DPYSL5: variants seen among roughly 807,000 people sequenced by gnomAD.
The protein encoded by DPYSL5 is dihydropyrimidinase like 5.
In DPYSL5, 9 loss-of-function variants were observed where a neutral mutation model predicts 58.4. That is an observed-to-expected ratio of 0.15 (90% CI 0.09 to 0.27). DPYSL5 has a LOEUF of 0.27. DPYSL5 is among the 10% of genes least tolerant of loss of function. The pLI is 1.00. For synonymous variants in DPYSL5, 293 were observed against 301.9 expected, an observed-to-expected ratio of 0.97 and a Z score of 0.31; for missense variants, 499 against 770.6, an observed-to-expected ratio of 0.65 and a Z score of 4.17.
intron 1 of DPYSL5, among the ~76,000 whole-genome samples, chr2:26,881,718 G>A (rs1172006570): frequency 6.6e-6 from 1 of 152,134 alleles, no homozygotes; most frequent in Non-Finnish European, 1.5e-5. Flanking sequence ...AGTATCTGGT[G>A]CCTCTTTGAA....
At chr2:26,908,284 T>G (rs974398724) in intron 2 of DPYSL5, among the ~76,000 whole-genome samples, 1 of 152,208 alleles carries the variant, frequency 6.6e-6, no homozygotes, top group Non-Finnish European at 1.5e-5. Flanking sequence ...AATTTCTGTG[T>G]GTGTTTTAGA....
At chr2:26,919,628 T>C (rs1056475214) in intron 2 of DPYSL5, among the ~76,000 whole-genome samples, 4 of 152,196 alleles carry the variant, frequency 2.6e-5, no homozygotes, top group African/African-American at 9.7e-5. Flanking sequence ...TTTTAAACAT[T>C]TATATTTTTA....
intron 1 of DPYSL5, among the ~76,000 whole-genome samples, chr2:26,872,161 ACTGGG>A (rs1040501362): frequency 8.5e-5 from 13 of 152,196 alleles, no homozygotes; most frequent in African/African-American, 3.1e-4. Flanking sequence ...ACTTTGGAGC[ACTGGG>A]CTGAGGAGAG....
chr2:26,937,583 A>G (rs1665211572), intron 8 of DPYSL5, among the ~76,000 whole-genome samples: 1 of 152,062 alleles, frequency 6.6e-6, no homozygotes, highest in Non-Finnish European at 1.5e-5. Context: ...CCCTGCAGGA[A>G]TAAAAAAGTA....
chr2:26,886,094 T>A (rs1304381162), intron 1 of DPYSL5, among the ~76,000 whole-genome samples: 1 of 152,174 alleles, frequency 6.6e-6, no homozygotes, highest in Non-Finnish European at 1.5e-5. Context: ...CGCTCCCTCA[T>A]TAGCTAGACT....
At position 26,942,799 on chromosome 2, in the gene DPYSL5, G is replaced by A. The variant is rs762228114; in HGVS notation, c.1440+49G>A. 8.2e-6 allele frequency: 13 copies of A among 1,587,930 alleles called. No individual in the cohort carries two copies. The highest frequency in any genetic ancestry group is 1.3e-5 in the African/African-American group (1 of 74,332). On this transcript the variant is annotated intron_variant, in intron 11 of 12. Transcript: ENST00000288699. The surrounding 1 kb of genome is among the most constrained non-coding windows in gnomAD (Gnocchi z 5.9). ...AGGGGTGTTGGCGCCCCCTGCCGGG[G>A]AACATCCTCCATGACTGTTTTAAAT...
chr2:26,903,828 C>A (rs1558339045), intron 2 of DPYSL5, among the ~76,000 whole-genome samples: 1 of 152,206 alleles, frequency 6.6e-6, no homozygotes, highest in African/African-American at 2.4e-5. Context: ...GTTCCCTAAC[C>A]CGGTGTCCTG....
At chr2:26,932,189 A>AAGAAAGAAAG (rs1553321123) in intron 6 of DPYSL5, among the ~76,000 whole-genome samples, 1 of 72,064 alleles carries the variant, frequency 1.4e-5, no homozygotes, top group African/African-American at 5.0e-5. Flanking sequence ...GAAAGAAAGA[A>AAGAAAGAAAG]AGAAAGAAAG....
At position 26,928,293 on chromosome 2, in the gene DPYSL5, A is replaced by C. The variant is rs1029337320; in HGVS notation, c.639A>C (p.Pro213=). Reference sequence around the variant, plus strand: ...CACTGGATTTGGGGATCACAGGCCCAGAAGGAATCGAGATCAGCCGTCCAG... The same window carrying C: ...CACTGGATTTGGGGATCACAGGCCCCGAAGGAATCGAGATCAGCCGTCCAG... ...KEALDLGITG[P]EGIEISRPEE... is the part of the protein sequence containing the mutation. Residue 213 remains proline (P), a synonymous_variant, in exon 5 of 13, where the codon CCA becomes CCC. Transcript: ENST00000288699. The C allele has an allele frequency of 6.2e-7, 1 of 1,613,886 alleles. No individual in the cohort carries two copies. The highest frequency in any genetic ancestry group is 8.5e-7 in the Non-Finnish European group (1 of 1,179,958).
intron 2 of DPYSL5, among the ~76,000 whole-genome samples, chr2:26,914,135 G>A (rs1211525683): frequency 2.6e-5 from 4 of 152,114 alleles, no homozygotes; most frequent in Admixed American, 2.6e-4. Flanking sequence ...GAAGAATCTG[G>A]GATACGGAGT....
At chr2:26,904,102 G>A (rs748915703) in intron 2 of DPYSL5, among the ~76,000 whole-genome samples, 1 of 152,192 alleles carries the variant, frequency 6.6e-6, no homozygotes, top group Non-Finnish European at 1.5e-5. Flanking sequence ...TCGGCCTAGG[G>A]GACAGCCAGT....
At chr2:26,879,610 G>T (rs563317629) in intron 1 of DPYSL5, among the ~76,000 whole-genome samples, 2 of 152,236 alleles carry the variant, frequency 1.3e-5, no homozygotes, top group Non-Finnish European at 2.9e-5. Flanking sequence ...GACCTCCAAG[G>T]CCAGCTGTGC....
chr2:26,939,893 C>A, intron 8 of DPYSL5, 138 bp from the exon 9 acceptor site: 1 of 1,139,762 alleles, frequency 8.8e-7, no homozygotes, highest in Non-Finnish European at 1.3e-6. Flanking sequence ...CGACAGACCA[C>A]ATGGCCTAAG....
intron 8 of DPYSL5, 124 bp from the exon 9 acceptor site, chr2:26,939,907 C>A: frequency 7.6e-7 from 1 of 1,318,074 alleles, no homozygotes; most frequent in Non-Finnish European, 1.1e-6. Flanking sequence ...GCCTAAGCGG[C>A]AGAGCTGAAA....
intron 1 of DPYSL5, among the ~76,000 whole-genome samples, chr2:26,865,253 T>G (rs1369800799): frequency 6.6e-6 from 1 of 151,974 alleles, no homozygotes; most frequent in African/African-American, 2.4e-5. Flanking sequence ...GCATGGTCTT[T>G]CCTCCTAACT....
intron 2 of DPYSL5, among the ~76,000 whole-genome samples, chr2:26,920,290 C>A (rs2148154209): frequency 6.6e-6 from 1 of 152,108 alleles, no homozygotes; most frequent in East Asian, 1.9e-4. Flanking sequence ...GTATTTTACT[C>A]TGTTTGAAAT....
intron 8 of DPYSL5, chr2:26,938,623 G>C (rs1665241265): frequency 6.6e-6 from 1 of 152,244 alleles, no homozygotes. Context: ...GTCCCCCGTG[G>C]AGACAGCCCT....
intron 1 of DPYSL5, among the ~76,000 whole-genome samples, chr2:26,864,440 A>T (rs1370034765): frequency 6.6e-6 from 1 of 152,220 alleles, no homozygotes; most frequent in Non-Finnish European, 1.5e-5. Context: ...ATTTGAGTAG[A>T]TGATGGGAAA....
intron 8 of DPYSL5, among the ~76,000 whole-genome samples, chr2:26,937,381 A>T (rs1341609904): frequency 6.6e-6 from 1 of 152,138 alleles, no homozygotes; most frequent in African/African-American, 2.4e-5. Context: ...GATTTGGAGC[A>T]TAATTTTAAT....
Sources: gnomAD v4.1 joint callset for allele counts (sites outside exome capture counted in the v4.1 genomes callset) on GRCh38, gnomAD v4.1.1 for gene constraint, Gnocchi (gnomAD v3.1) non-coding constraint, MANE v1.5 for transcripts, NCBI Gene and HGNC (gene_info 2026-07-23, HGNC 2026-07-21) for gene names.